Variants in MDGA2 observed in about 807,000 individuals in gnomAD.
MDGA2 encodes the protein MAM domain containing glycosylphosphatidylinositol anchor 2.
Under a neutral mutation model 117.8 loss-of-function variants are expected in MDGA2, and 40 were observed. The ratio of observed to expected loss-of-function variants is 0.34; its 90% confidence interval spans 0.26 to 0.44. MDGA2 has a LOEUF of 0.44. Among genes scored for constraint, MDGA2 ranks in the 20% least tolerant of loss-of-function variants. The pLI, the probability that MDGA2 is intolerant of heterozygous loss-of-function variation, is 1.00. For missense variants in MDGA2, 1,123 were observed against 1,250.6 expected (o/e 0.90, Z 1.54); for synonymous variants, 452 against 439.0 (o/e 1.03, Z -0.37).
At chr14:47,343,368 G>A in intron 1 of MDGA2, 2 of 615,266 alleles carry the variant, frequency 3.3e-6, no homozygotes, top group Non-Finnish European at 4.1e-6. Flanking sequence ...GACAGAAAGT[G>A]GTGTGAAAAG....
rs776276701 is a variant in MDGA2 at position 47,465,514 on chromosome 14, G to A, written c.281-163964C>T. Among the ~76,000 whole-genome samples the A allele has an allele frequency of 1.9e-4, 29 of 152,032 alleles. 1 individual carries two copies. Among genetic ancestry groups the A allele is most frequent in the Admixed American group, 2.0e-4 (3 of 15,248 alleles). The stretch of plus-strand genomic sequence containing the variant: ...AACAAACAACCCCATTAAAATGTAA[G>A]CAAAGGTCATGAACACATACATTTC... On this transcript the variant is annotated intron_variant, in intron 1 of 16. Transcript: ENST00000399232.
chr14:47,268,766 C>T (rs1028712311), intron 2 of MDGA2, among the ~76,000 whole-genome samples: 1 of 152,136 alleles, frequency 6.6e-6, no homozygotes, highest in Admixed American at 6.6e-5. Flanking sequence ...AACTCTACTG[C>T]AAACTATGTC....
chr14:47,003,134 TGAA>T (rs956075390), intron 8 of MDGA2, among the ~76,000 whole-genome samples: 5 of 152,136 alleles, frequency 3.3e-5, no homozygotes, highest in African/African-American at 7.2e-5. Context: ...GCTTCTTCCA[TGAA>T]GAATAACTAT....
At chr14:47,608,248 G>A (rs1056290179) in intron 1 of MDGA2, among the ~76,000 whole-genome samples, 4 of 152,060 alleles carry the variant, frequency 2.6e-5, no homozygotes, top group African/African-American at 4.8e-5. Context: ...CGTGAATTGC[G>A]CATCTTTTAT....
Position 47,301,456 on chromosome 14 carries a change from T to A in MDGA2, c.375A>T (p.Glu125Asp). 6.4e-7 allele frequency: 1 copy of A among 1,551,842 alleles called. No homozygotes were observed. Among genetic ancestry groups the A allele is most frequent in the Non-Finnish European group, 8.7e-7 (1 of 1,147,016 alleles). Reference protein sequence around the residue: ...SERVYTIREGETLELTCLVTG... With the variant: ...SERVYTIREGDTLELTCLVTG... ...TGACTAGACAAGTCAACTCAAGGGT[T>A]TCTCCTTCCCGGATAGTGTAGACCC... Residue 125 changes from glutamate to aspartate, a missense_variant, in exon 2 of 17, where the codon GAA (glutamate) becomes GAT (aspartate). Transcript: ENST00000399232.
intron 14 of MDGA2, among the ~76,000 whole-genome samples, chr14:46,872,253 G>T (rs1882035186): frequency 6.6e-6 from 1 of 151,850 alleles, no homozygotes; most frequent in African/African-American, 2.4e-5. Context: ...AATTGTATTA[G>T]TTTACATCAC....
intron 1 of MDGA2, among the ~76,000 whole-genome samples, chr14:47,664,649 C>G (rs1897909547): frequency 6.6e-6 from 1 of 152,174 alleles, no homozygotes; most frequent in Admixed American, 6.5e-5. Context: ...TGCTGTCTTG[C>G]ACTGTAATAA....
intron 2 of MDGA2, among the ~76,000 whole-genome samples, chr14:47,294,958 G>A (rs944072435): frequency 2.0e-5 from 3 of 152,106 alleles, no homozygotes; most frequent in Non-Finnish European, 4.4e-5. Flanking sequence ...ACAATCAAAT[G>A]ACTGAATACA....
At chr14:47,668,010 A>G (rs972829621) in intron 1 of MDGA2, among the ~76,000 whole-genome samples, 1 of 152,206 alleles carries the variant, frequency 6.6e-6, no homozygotes, top group Non-Finnish European at 1.5e-5. Context: ...ATACCATAAT[A>G]TGTATTTAAA....
At chr14:47,171,721 A>G (rs1234667176) in intron 3 of MDGA2, among the ~76,000 whole-genome samples, 2 of 152,232 alleles carry the variant, frequency 1.3e-5, no homozygotes, top group African/African-American at 4.8e-5. Flanking sequence ...TGAGCGACAC[A>G]GAAGATGGGA....
chr14:47,101,458 C>T (rs1050821215), intron 5 of MDGA2, among the ~76,000 whole-genome samples: 4 of 152,166 alleles, frequency 2.6e-5, no homozygotes, highest in Non-Finnish European at 5.9e-5. Context: ...CACACCAAAT[C>T]CCAAACATCT....
chr14:47,530,163 G>T (rs1258798415), intron 1 of MDGA2, among the ~76,000 whole-genome samples: 1 of 152,164 alleles, frequency 6.6e-6, no homozygotes, highest in Non-Finnish European at 1.5e-5. Context: ...TGCAACCCTT[G>T]TGGAGAGCCT....
chr14:47,132,862 T>G (rs1882271751), intron 4 of MDGA2, among the ~76,000 whole-genome samples: 1 of 151,906 alleles, frequency 6.6e-6, no homozygotes, highest in South Asian at 2.1e-4. Context: ...GTAACATTTG[T>G]CGAGTTCTAA....
Position 46,873,577 on chromosome 14 carries a change from T to C in MDGA2, c.2608A>G (p.Ile870Val). The change falls in exon 14 of 17, where the codon ATT (isoleucine) becomes GTT (valine). Residue 870 changes from isoleucine to valine, a missense_variant. Transcript: ENST00000399232. ...TCCAATCTGGGTCGTGATGTCTCAA[T>C]GTACATATAAAAACCTTAAAACAGA... ...SGSKEGFYMY[I>V]ETSRPRLEGE... The C allele has an allele frequency of 6.2e-7, 1 of 1,611,874 alleles. No individual in the cohort carries two copies. The highest frequency in any genetic ancestry group is 1.1e-5 in the South Asian group (1 of 90,970).
intron 1 of MDGA2, among the ~76,000 whole-genome samples, chr14:47,384,015 AATAG>A (rs756702274): frequency 9.1e-6 from 1 of 109,884 alleles, no homozygotes; most frequent in African/African-American, 3.5e-5. Context: ...ATAGATAGAT[AATAG>A]ATAGATTAGA....
At chr14:47,091,173 T>G (rs1359525571) in intron 6 of MDGA2, among the ~76,000 whole-genome samples, 1 of 152,130 alleles carries the variant, frequency 6.6e-6, no homozygotes, top group Non-Finnish European at 1.5e-5. Context: ...AATACTTACT[T>G]AGGTTATCAA....
intron 1 of MDGA2, among the ~76,000 whole-genome samples, chr14:47,514,092 G>GT (rs1894701404): frequency 6.6e-6 from 1 of 152,110 alleles, no homozygotes; most frequent in Non-Finnish European, 1.5e-5. Flanking sequence ...AGGAGTTTTG[G>GT]TTTTAACAAG....
chr14:47,252,032 C>T (rs1419242423), intron 2 of MDGA2, among the ~76,000 whole-genome samples: 3 of 151,998 alleles, frequency 2.0e-5, no homozygotes, highest in Non-Finnish European at 4.4e-5. Context: ...CTTTCCCTCA[C>T]CCCAGCTATT....
intron 1 of MDGA2, among the ~76,000 whole-genome samples, chr14:47,489,539 A>T (rs1894126793): frequency 1.3e-5 from 2 of 152,176 alleles, no homozygotes; most frequent in African/African-American, 4.8e-5. Context: ...AAATGCATAA[A>T]CCAGGTAGTC....
Sources: allele counts gnomAD v4.1 joint callset (sites outside exome capture counted in the v4.1 genomes callset), GRCh38; gene constraint gnomAD v4.1.1; transcripts MANE v1.5; gene names NCBI Gene and HGNC (gene_info 2026-07-23, HGNC 2026-07-21).